XKR6: variants seen among roughly 807,000 people sequenced by gnomAD.
XKR6 encodes XK-related protein 6.
A neutral mutation model predicts 56.7 loss-of-function variants in XKR6; 22 were observed. The ratio of observed to expected loss-of-function variants is 0.39; its 90% CI spans 0.28 to 0.55. The LOEUF (loss-of-function observed/expected upper bound fraction) is 0.55. Among genes scored for constraint, XKR6 ranks in the 20% least tolerant of loss-of-function variants. XKR6 has a pLI of 0.66. For synonymous variants in XKR6, 524 were observed against 387.8 expected (o/e 1.35, Z -4.13); for missense variants, 852 against 889.0 (o/e 0.96, Z 0.53).
intron 1 of XKR6, chr8:11,175,258 C>T (rs1472506757): frequency 6.6e-6 from 1 of 152,548 alleles, no homozygotes; most frequent in Non-Finnish European, 1.5e-5. Context: ...TGTGCCCAGG[C>T]CAAACAGTGG....
chr8:11,110,905 C>T (rs993362119), intron 1 of XKR6, among the ~76,000 whole-genome samples: 1 of 151,494 alleles, frequency 6.6e-6, no homozygotes, highest in Non-Finnish European at 1.5e-5. Flanking sequence ...GGTGCGATCT[C>T]GGCTCACTGC....
intron 1 of XKR6, among the ~76,000 whole-genome samples, chr8:11,121,929 G>A (rs551374509): frequency 3.9e-5 from 6 of 152,056 alleles, no homozygotes; most frequent in African/African-American, 9.7e-5. Context: ...GCAAACTATC[G>A]CCAGGACAAA....
At chr8:11,121,883 T>C (rs1014543026) in intron 1 of XKR6, among the ~76,000 whole-genome samples, 4 of 152,184 alleles carry the variant, frequency 2.6e-5, no homozygotes, top group African/African-American at 9.7e-5. Context: ...ATGTCCTTTG[T>C]AGGGACGTGG....
chr8:10,900,960 T>A (rs182524922), intron 2 of XKR6, among the ~76,000 whole-genome samples: 25 of 148,654 alleles, frequency 1.7e-4, no homozygotes, highest in African/African-American at 6.0e-4. Context: ...GCTCAAGTGA[T>A]CCTCCCGTCT....
At chr8:11,103,293 G>A (rs1311005382) in intron 1 of XKR6, among the ~76,000 whole-genome samples, 1 of 152,124 alleles carries the variant, frequency 6.6e-6, no homozygotes, top group Non-Finnish European at 1.5e-5. Flanking sequence ...GAAAAGCAAT[G>A]CTCCAACACC....
chr8:10,951,156 C>A (rs1801707014), intron 1 of XKR6, among the ~76,000 whole-genome samples: 1 of 152,200 alleles, frequency 6.6e-6, no homozygotes, highest in Non-Finnish European at 1.5e-5. Flanking sequence ...GGCCACAGCA[C>A]CCCAGGTCCC....
In XKR6 at chr8:10,981,124, A is replaced by G. The variant is rs181779252; in HGVS notation, c.765-56294T>C. On this transcript the variant is annotated intron_variant, in intron 1 of 2. Coordinates refer to ENST00000416569, the MANE Select transcript of XKR6 (RefSeq NM_173683.4). ...GTTGTCTTCTACTCTCCCACTGTCA[A>G]CCAGGCCCAGACAACAGATTAATGC... 8.5e-5 allele frequency among the ~76,000 whole-genome samples: 13 copies of G among 152,296 alleles called. No homozygotes were observed. The East Asian group carries it at 2.1e-3, about 25-fold the overall frequency.
intron 1 of XKR6, among the ~76,000 whole-genome samples, chr8:11,144,011 C>T (rs1388341415): frequency 1.3e-5 from 2 of 152,036 alleles, no homozygotes; most frequent in African/African-American, 4.8e-5. Flanking sequence ...TGGGGTCTCT[C>T]CCTCTTCTTT....
At chr8:11,171,453 T>C (rs2117047238) in intron 1 of XKR6, among the ~76,000 whole-genome samples, 2 of 152,320 alleles carry the variant, frequency 1.3e-5, no homozygotes, top group Admixed American at 1.3e-4. Context: ...TCTCCAGTAC[T>C]GGGGCCTGAC....
intron 1 of XKR6, among the ~76,000 whole-genome samples, chr8:10,979,358 C>G (rs990662549): frequency 6.6e-6 from 1 of 151,916 alleles, no homozygotes; most frequent in African/African-American, 2.4e-5. Flanking sequence ...GCAGAAGGCT[C>G]GGGTCAGCAG....
chr8:11,036,216 A>C (rs1354867606), intron 1 of XKR6, among the ~76,000 whole-genome samples: 2 of 152,092 alleles, frequency 1.3e-5, no homozygotes, highest in African/African-American at 4.8e-5. Context: ...CCAAAGTGCT[A>C]AGATCACAGG....
At chr8:11,110,183 G>A (rs911448664) in intron 1 of XKR6, among the ~76,000 whole-genome samples, 3 of 152,146 alleles carry the variant, frequency 2.0e-5, no homozygotes, top group African/African-American at 7.2e-5. Context: ...ATGTTGGCCA[G>A]GCTGGTCTTG....
At chr8:10,973,391 G>C (rs918896587) in intron 1 of XKR6, among the ~76,000 whole-genome samples, 3 of 152,150 alleles carry the variant, frequency 2.0e-5, no homozygotes, top group African/African-American at 4.8e-5. Context: ...ACCCCAACCT[G>C]AGAAGTAAGG....
rs201821196 is a variant in XKR6 at position 10,898,151 on chromosome 8, C to T, written c.1727G>A (p.Arg576His). The T allele has an allele frequency of 9.0e-5, 146 of 1,613,990 alleles. No homozygotes were observed. Among genetic ancestry groups the T allele is most frequent in the Middle Eastern group, 4.9e-4 (3 of 6,062 alleles). The change falls in exon 3 of 3, where the codon CGT (arginine) becomes CAT (histidine). Residue 576 changes from arginine to histidine, a missense_variant. Around this residue, in one of 4 missense-constraint regions of XKR6, gnomAD observed 197 missense variants for 190.9 expected, o/e 1.03. Coordinates refer to ENST00000416569, the MANE Select transcript of XKR6 (RefSeq NM_173683.4). This position sits in a 1 kb window ranked among gnomAD's most constrained non-coding sequence, Gnocchi z 6.6. ...GAGGGGCCCTTCTGGGAGGTAAGGA[C>T]GCCCCAACGGGGTAGGGGGCCCCAT... ...RPMGPPTPLG[R>H]PYLPEGPLIK... is the part of the protein sequence containing the mutation.
At chr8:10,984,394 G>A (rs931585982) in intron 1 of XKR6, among the ~76,000 whole-genome samples, 2 of 152,092 alleles carry the variant, frequency 1.3e-5, no homozygotes, top group African/African-American at 2.4e-5. Flanking sequence ...TCCTAGGAAC[G>A]TCTATTATCA....
At chr8:10,930,494 A>C (rs1163982936) in intron 1 of XKR6, among the ~76,000 whole-genome samples, 1 of 152,254 alleles carries the variant, frequency 6.6e-6, no homozygotes, top group Non-Finnish European at 1.5e-5. Context: ...AACACAGTAC[A>C]AGCAAATAAA....
intron 2 of XKR6, among the ~76,000 whole-genome samples, chr8:10,909,554 C>T (rs1323644368): frequency 6.6e-6 from 1 of 152,186 alleles, no homozygotes; most frequent in Non-Finnish European, 1.5e-5. Context: ...ACATGCAAAA[C>T]TGTGTGGGTA....
chr8:11,067,004 T>C (rs565767242), intron 1 of XKR6: 1 of 152,458 alleles, frequency 6.6e-6, no homozygotes, highest in African/African-American at 2.4e-5. Context: ...GGAAGCTTCA[T>C]GGGGGTGGTG....
chr8:11,016,205 C>T (rs1399213387), intron 1 of XKR6, among the ~76,000 whole-genome samples: 3 of 152,210 alleles, frequency 2.0e-5, no homozygotes, highest in Admixed American at 2.0e-4. Context: ...AAAGCCCCGT[C>T]CCCGGGCGGG....
Sources: allele counts gnomAD v4.1 joint callset (sites outside exome capture counted in the v4.1 genomes callset), GRCh38; gene constraint gnomAD v4.1.1; regional missense constraint gnomAD v4.1.1; non-coding constraint Gnocchi (gnomAD v3.1); transcripts MANE v1.5; gene names NCBI Gene and HGNC (gene_info 2026-07-23, HGNC 2026-07-21).